The following ADGRA3 variants were observed in gnomAD, a reference collection of about 807,000 sequenced individuals.
The protein encoded by ADGRA3 is adhesion G protein-coupled receptor A3.
ADGRA3 carries 56 observed loss-of-function variants against 119.8 expected under a neutral mutation model. That is an observed-to-expected ratio of 0.47 (90% CI 0.38 to 0.58). ADGRA3 has a LOEUF of 0.58. Among genes scored for constraint, ADGRA3 ranks in the 20% least tolerant of loss-of-function variants. ADGRA3 has a pLI of 0.00. For missense variants in ADGRA3, 1,516 were observed against 1,649.0 expected (o/e 0.92, Z 1.40); for synonymous variants, 607 against 623.8 (o/e 0.97, Z 0.40).
At chr4:22,390,349 T>G (rs1714069733) in intron 17 of ADGRA3, among the ~76,000 whole-genome samples, 1 of 85,254 alleles carries the variant, frequency 1.2e-5, no homozygotes, top group African/African-American at 5.2e-5. Flanking sequence ...AAATACATAT[T>G]ATATATATAT....
chr4:22,413,294 T>C lies in ADGRA3; in HGVS notation c.2120A>G (p.Asp707Gly). 2 of 1,614,080 alleles carry C rather than the reference T, an allele frequency of 1.2e-6. No homozygotes were observed. Among genetic ancestry groups the C allele is most frequent in the Non-Finnish European group, 1.7e-6 (2 of 1,179,976 alleles). ...ADAVAARWDF[D>G]LLNGQGGWKS... is the part of the protein sequence containing the mutation. Reference sequence around the variant, plus strand: ...CCAGCCTCCTTGTCCGTTCAGCAAATCGAAATCCCACCGGGCTGCAACAGC... The same window carrying C: ...CCAGCCTCCTTGTCCGTTCAGCAAACCGAAATCCCACCGGGCTGCAACAGC... Residue 707 changes from aspartate (D) to glycine (G), a missense_variant, in exon 14 of 19, where the codon GAT becomes GGT. Coordinates refer to ENST00000334304, the MANE Select transcript of ADGRA3 (RefSeq NM_145290.4).
At chr4:22,398,177 C>T (rs1266520247) in intron 16 of ADGRA3, 2 of 954,828 alleles carry the variant, frequency 2.1e-6, no homozygotes, top group African/African-American at 3.5e-5. Flanking sequence ...GAGGTAATTT[C>T]ATCAATAATA....
intron 17 of ADGRA3, among the ~76,000 whole-genome samples, chr4:22,392,311 G>C (rs1417982056): frequency 3.3e-5 from 5 of 152,156 alleles, no homozygotes; most frequent in Non-Finnish European, 7.3e-5. Flanking sequence ...ACAACTCGAG[G>C]ATGGGAGAAT....
At chr4:22,431,437 C>T (rs1013661440) in intron 10 of ADGRA3, among the ~76,000 whole-genome samples, 4 of 152,234 alleles carry the variant, frequency 2.6e-5, no homozygotes, top group African/African-American at 9.6e-5. Context: ...CCACCTCTTG[C>T]ATCAGTGTGA....
intron 1 of ADGRA3, among the ~76,000 whole-genome samples, chr4:22,490,489 G>C (rs1718585280): frequency 1.3e-5 from 2 of 152,024 alleles, no homozygotes; most frequent in African/African-American, 4.8e-5. Flanking sequence ...CAAAATTCTT[G>C]ATGTCGGACC....
chr4:22,420,938 T>C lies in ADGRA3; in HGVS notation c.1757A>G (p.Gln586Arg). ...TGAAACATTGCACTTAAAGCTCAGC[T>C]GCTTATCCAGGTTTCCCTCTGGATC... ...RRDPEGNLDK[Q>R]LSFKCNVSNT... The change falls in exon 12 of 19, where the codon CAG (glutamine) becomes CGG (arginine). Residue 586 changes from glutamine (Q) to arginine (R), a missense_variant. By Grantham distance (43) the Gln-to-Arg change is conservative. Transcript: ENST00000334304. 1 of 1,614,158 alleles carries C rather than the reference T, an allele frequency of 6.2e-7. No individual in the cohort carries two copies. The highest frequency in any genetic ancestry group is 8.5e-7 in the Non-Finnish European group (1 of 1,179,996).
chr4:22,404,375 G>C (rs957427240), intron 14 of ADGRA3, among the ~76,000 whole-genome samples: 2 of 152,144 alleles, frequency 1.3e-5, no homozygotes, highest in African/African-American at 4.8e-5. Context: ...TACAATTACA[G>C]ATCTAAAAAG....
chr4:22,422,093 G>A lies in ADGRA3; in HGVS notation c.1606-1004C>T, dbSNP rs569105670. Among the ~76,000 whole-genome samples the A allele has an allele frequency of 3.4e-4, 52 of 152,132 alleles. No homozygotes were observed. The East Asian group carries it at 8.2e-3, about 24-fold the overall frequency. On this transcript the variant is annotated intron_variant, in intron 11 of 18. Transcript: ENST00000334304. Reference sequence around the variant, plus strand: ...CCACTCGCTGGAGGACAGAGTGGGCGTGAGAAGTGACAAGGAGCCACACCT... The same window carrying A: ...CCACTCGCTGGAGGACAGAGTGGGCATGAGAAGTGACAAGGAGCCACACCT...
intron 2 of ADGRA3, among the ~76,000 whole-genome samples, chr4:22,465,801 T>C (rs989166748): frequency 6.6e-6 from 1 of 152,200 alleles, no homozygotes; most frequent in Admixed American, 6.5e-5. Context: ...AATTTATAGC[T>C]AAAATAATAG....
intron 2 of ADGRA3, among the ~76,000 whole-genome samples, chr4:22,472,153 C>G (rs973257669): frequency 6.6e-6 from 1 of 152,168 alleles, no homozygotes; most frequent in African/African-American, 2.4e-5. Context: ...ACACTAATGC[C>G]TTTCATTATC....
At chr4:22,456,578 G>A (rs1319160659) in intron 3 of ADGRA3, among the ~76,000 whole-genome samples, 1 of 152,114 alleles carries the variant, frequency 6.6e-6, no homozygotes, top group African/African-American at 2.4e-5. Context: ...CCTTGGACTG[G>A]GGACTGCAAG....
rs113901341 is a variant in ADGRA3, at chr4:22,402,911, T to C, written c.2233-112A>G. On this transcript the variant is annotated intron_variant, in intron 14 of 18. Coordinates refer to ENST00000334304, the MANE Select transcript of ADGRA3 (RefSeq NM_145290.4). ...ATAAACAAAAACTCTGGCCCTTATG[T>C]CTCTTTATTTTATTCAGACTAATGT... 3.4e-4 allele frequency: 338 copies of C among 984,858 alleles called. 2 individuals are homozygous for C. In the South Asian group the frequency reaches 5.5e-3, roughly 16 times the overall value. The allele number at this position is 984,858 out of a possible 1,614,324, so 61.0% of individuals were successfully genotyped here. A position where few individuals can be genotyped will look rare whatever the true frequency, so the allele number is the denominator to read the frequency against.
chr4:22,443,019 A>G (rs1716681196), intron 6 of ADGRA3, 156 bp from the exon 7 acceptor site: 1 of 689,754 alleles, frequency 1.4e-6, no homozygotes. Flanking sequence ...GCTGCTACTG[A>G]GTTTAGTGAT....
intron 14 of ADGRA3, among the ~76,000 whole-genome samples, chr4:22,409,140 C>G (rs535211449): frequency 6.6e-6 from 1 of 152,298 alleles, no homozygotes; most frequent in South Asian, 2.1e-4. Context: ...GTCCAGCACT[C>G]TACTACAAAT....
chr4:22,497,210 G>A (rs1718859930), intron 1 of ADGRA3, among the ~76,000 whole-genome samples: 1 of 152,148 alleles, frequency 6.6e-6, no homozygotes, highest in African/African-American at 2.4e-5. Context: ...AGCCATAGAA[G>A]GTGGGGGGAA....
At chr4:22,476,926 C>CA (rs1458342151) in intron 1 of ADGRA3, among the ~76,000 whole-genome samples, 1 of 152,100 alleles carries the variant, frequency 6.6e-6, no homozygotes, top group Non-Finnish European at 1.5e-5. Context: ...CTCGGCCTCC[C>CA]AAAGTGCTGG....
At chr4:22,392,841 T>C (rs185177011) in intron 16 of ADGRA3, 151 bp from the exon 17 acceptor site, 130 of 633,728 alleles carry the variant, frequency 2.1e-4, no homozygotes, top group African/African-American at 1.8e-3. Context: ...GGCAACACTG[T>C]GTTCTAATAG....
intron 2 of ADGRA3, among the ~76,000 whole-genome samples, chr4:22,464,140 A>G (rs866498488): frequency 7.3e-5 from 11 of 151,206 alleles, no homozygotes; most frequent in Admixed American, 4.6e-4. Flanking sequence ...ACAATATTTT[A>G]AAAAACAAAA....
chr4:22,430,436 ACT>A (rs1302233198), intron 10 of ADGRA3, among the ~76,000 whole-genome samples: 3 of 151,934 alleles, frequency 2.0e-5, no homozygotes, highest in Non-Finnish European at 2.9e-5. Context: ...AGCAAAGGTG[ACT>A]CTTGTTTCAT....
Sources: gnomAD v4.1 joint callset for allele counts (sites outside exome capture counted in the v4.1 genomes callset) on GRCh38, gnomAD v4.1.1 for gene constraint, MANE v1.5 for transcripts, NCBI Gene and HGNC (gene_info 2026-07-23, HGNC 2026-07-21) for gene names.